LRRC7: variants seen among roughly 807,000 people sequenced by gnomAD.
LRRC7 encodes the protein leucine-rich repeat-containing protein 7.
LRRC7 carries 23 observed loss-of-function variants against 175.7 expected under a neutral mutation model. The ratio of observed to expected loss-of-function variants is 0.13; its 90% confidence interval spans 0.09 to 0.19. The LOEUF (loss-of-function observed/expected upper bound fraction) is 0.19. Among genes scored for constraint, LRRC7 ranks in the 10% least tolerant of loss-of-function variants. The pLI, the probability that LRRC7 is intolerant of heterozygous loss-of-function variation, is 1.00. For missense variants in LRRC7, 1,354 were observed against 1,904.7 expected, an observed-to-expected ratio of 0.71 and a Z score of 5.38; for synonymous variants, 685 against 680.9, an observed-to-expected ratio of 1.01 and a Z score of -0.09.
rs1553201466 is a variant in LRRC7, at chr1:70,082,781, A to ATCTTTTTTTTTTTTTTTTTT, written c.4452+6484_4452+6485insCTTTTTTTTTTTTTTTTTTT. ...TATTAGTCAATCTTGATACCAGTAC[A>ATCTTTTTTTTTTTTTTTTTT]TTTTTTTTTTTTTTTTTTTTTTTTT... On this transcript the variant is annotated intron_variant, in intron 24 of 26. Transcript: ENST00000651989. Among the ~76,000 whole-genome samples the ATCTTTTTTTTTTTTTTTTTT allele has an allele frequency of 3.9e-3, 203 of 52,306 alleles. 78 individuals carry two copies. The highest frequency in any genetic ancestry group is 6.4e-3 in the East Asian group (9 of 1,408). The allele number at this position is 52,306 out of a possible 152,430, so 34.3% of individuals were successfully genotyped here.
At chr1:69,763,566 T>C (rs1671273774) in intron 3 of LRRC7, among the ~76,000 whole-genome samples, 1 of 151,992 alleles carries the variant, frequency 6.6e-6, no homozygotes, top group African/African-American at 2.4e-5. Flanking sequence ...TGTAGAGTTG[T>C]GGCTGCTGGT....
chr1:69,748,426 C>G (rs2100885152), intron 2 of LRRC7, among the ~76,000 whole-genome samples: 1 of 152,192 alleles, frequency 6.6e-6, no homozygotes, highest in East Asian at 1.9e-4. Flanking sequence ...AAATGATTTC[C>G]TACTAGTCCT....
chr1:69,628,617 CAA>C, intron 1 of LRRC7, among the ~76,000 whole-genome samples: 1 of 152,072 alleles, frequency 6.6e-6, no homozygotes, highest in Admixed American at 6.5e-5. Context: ...TGGATATCAA[CAA>C]AGTGTTTTTG....
At chr1:69,919,212 G>C (rs1363718611) in intron 7 of LRRC7, 1 of 321,768 alleles carries the variant, frequency 3.1e-6, no homozygotes, top group Non-Finnish European at 5.7e-6. Flanking sequence ...AGGCTCTGCA[G>C]TCCATAGGGT....
intron 8 of LRRC7, among the ~76,000 whole-genome samples, chr1:69,966,567 A>G (rs1651681729): frequency 6.6e-6 from 1 of 152,238 alleles, no homozygotes; most frequent in Non-Finnish European, 1.5e-5. Flanking sequence ...GGGTAGGAAT[A>G]CATTAGGAAA....
rs548132762 is a variant in LRRC7 at position 69,714,488 on chromosome 1, G to T, written c.100+36010G>T. Among the ~76,000 whole-genome samples the T allele has an allele frequency of 6.6e-5, 10 of 152,262 alleles. No individual in the cohort carries two copies. The South Asian group carries it at 2.1e-3, about 32-fold the overall frequency. On this transcript the variant is annotated intron_variant, in intron 2 of 26. Coordinates refer to ENST00000651989, the MANE Select transcript of LRRC7 (RefSeq NM_001370785.2). ...GGAAATGAGAAATGGCAATTTAGAG[G>T]ACAGTGAAATATTACATACAATTGA...
chr1:69,908,327 C>T (rs1480519222), intron 7 of LRRC7, among the ~76,000 whole-genome samples: 1 of 151,980 alleles, frequency 6.6e-6, no homozygotes, highest in Non-Finnish European at 1.5e-5. Flanking sequence ...TTTGCTCTTG[C>T]TTTTCTAGTT....
chr1:70,014,542 T>G (rs1370782671), intron 13 of LRRC7, among the ~76,000 whole-genome samples: 1 of 151,990 alleles, frequency 6.6e-6, no homozygotes. Flanking sequence ...GGAGCCAAAT[T>G]ACTATTTTTA....
At chr1:69,878,408 A>C (rs1463581738) in intron 7 of LRRC7, among the ~76,000 whole-genome samples, 2 of 152,200 alleles carry the variant, frequency 1.3e-5, no homozygotes, top group Non-Finnish European at 2.9e-5. Context: ...CCAATGGGAC[A>C]TTTTGATAGT....
intron 2 of LRRC7, 161 bp from the exon 3 acceptor site, chr1:69,760,030 C>A (rs1380414755): frequency 1.5e-5 from 11 of 716,526 alleles, no homozygotes; most frequent in Non-Finnish European, 2.2e-5. Flanking sequence ...CTTCGCAGGG[C>A]TGTTTAAGGA....
At chr1:69,753,723 A>G (rs1031438915) in intron 2 of LRRC7, among the ~76,000 whole-genome samples, 3 of 152,060 alleles carry the variant, frequency 2.0e-5, no homozygotes, top group Admixed American at 1.3e-4. Flanking sequence ...GTTACCAGAA[A>G]TACATATTTT....
chr1:69,584,531 A>T (rs994503725), intron 1 of LRRC7, among the ~76,000 whole-genome samples: 1 of 152,170 alleles, frequency 6.6e-6, no homozygotes, highest in Admixed American at 6.5e-5. Context: ...ATCATAACTT[A>T]TCCTAAAAGT....
intron 17 of LRRC7, among the ~76,000 whole-genome samples, chr1:70,026,472 G>A (rs557423417): frequency 4.7e-4 from 71 of 152,084 alleles, no homozygotes; most frequent in African/African-American, 1.5e-3. Flanking sequence ...ACAGATCTAA[G>A]AATGCATGCA....
chr1:69,666,363 C>A (rs564972755), intron 1 of LRRC7, among the ~76,000 whole-genome samples: 10 of 152,102 alleles, frequency 6.6e-5, no homozygotes, highest in Non-Finnish European at 1.5e-4. Context: ...CCTTCCTCCT[C>A]TATTTTTCAG....
intron 8 of LRRC7, among the ~76,000 whole-genome samples, chr1:69,943,821 G>T (rs1236939440): frequency 6.6e-6 from 1 of 151,704 alleles, no homozygotes; most frequent in Non-Finnish European, 1.5e-5. Context: ...GGAATAAGAG[G>T]GAGAGTAGTT....
At chr1:69,976,130 C>T (rs1350468858) in intron 8 of LRRC7, among the ~76,000 whole-genome samples, 1 of 152,058 alleles carries the variant, frequency 6.6e-6, no homozygotes, top group Non-Finnish European at 1.5e-5. Context: ...CTGTATTAGT[C>T]AGGATTCTCT....
At chr1:69,594,259 C>A (rs1466840228) in intron 1 of LRRC7, among the ~76,000 whole-genome samples, 1 of 152,134 alleles carries the variant, frequency 6.6e-6, no homozygotes. Context: ...TATCCCCTTA[C>A]TGTAAACTCA....
At chr1:69,979,266 T>C (rs1653165807) in intron 8 of LRRC7, among the ~76,000 whole-genome samples, 1 of 152,144 alleles carries the variant, frequency 6.6e-6, no homozygotes, top group African/African-American at 2.4e-5. Flanking sequence ...AAAAAAGGAA[T>C]GGGCTTCAAA....
intron 7 of LRRC7, among the ~76,000 whole-genome samples, chr1:69,923,512 A>T (rs1232295794): frequency 1.3e-5 from 2 of 152,112 alleles, no homozygotes; most frequent in East Asian, 3.9e-4. Context: ...TTGCCATTCT[A>T]ACTGGTGTGA....
Sources: allele counts gnomAD v4.1 joint callset (sites outside exome capture counted in the v4.1 genomes callset), GRCh38; gene constraint gnomAD v4.1.1; transcripts MANE v1.5; gene names NCBI Gene and HGNC (gene_info 2026-07-23, HGNC 2026-07-21).